The following NPAS3 variants were observed in gnomAD, a reference collection of about 807,000 sequenced individuals.
The protein encoded by NPAS3 is neuronal PAS domain-containing protein 3.
NPAS3 carries 14 observed loss-of-function variants against 73.1 expected under a neutral mutation model. The observed-to-expected ratio is 0.19, with a 90% CI of 0.13 to 0.30. The LOEUF is 0.30. Among genes scored for constraint, NPAS3 ranks in the 10% least tolerant of loss-of-function variants. The pLI, the probability that NPAS3 is intolerant of heterozygous loss-of-function variation, is 1.00. For synonymous variants in NPAS3, 620 were observed against 541.5 expected, an observed-to-expected ratio of 1.14 and a Z score of -2.01; for missense variants, 1,096 against 1,250.0, an observed-to-expected ratio of 0.88 and a Z score of 1.86.
chr14:33,196,404 C>T (rs540954090), intron 2 of NPAS3, among the ~76,000 whole-genome samples: 3 of 152,318 alleles, frequency 2.0e-5, no homozygotes, highest in African/African-American at 7.2e-5. Flanking sequence ...GTATCCTGAC[C>T]ACAGAGGGGA....
intron 5 of NPAS3, among the ~76,000 whole-genome samples, chr14:33,647,284 CTCTCTCTA>C (rs973901432): frequency 4.6e-5 from 7 of 151,240 alleles, no homozygotes; most frequent in African/African-American, 7.3e-5. Context: ...CTCTCTCTCT[CTCTCTCTA>C]TATATATATA....
chr14:33,109,702 G>A (rs1243030350), intron 2 of NPAS3, among the ~76,000 whole-genome samples: 1 of 151,076 alleles, frequency 6.6e-6, no homozygotes, highest in Admixed American at 6.6e-5. Context: ...ATTGAGCACA[G>A]ATTAAACTGG....
chr14:33,412,258 A>G (rs1022005018), intron 4 of NPAS3, among the ~76,000 whole-genome samples: 4 of 152,040 alleles, frequency 2.6e-5, no homozygotes, highest in Non-Finnish European at 5.9e-5. Flanking sequence ...AGCTGGGACT[A>G]CAGGTGTGAA....
chr14:33,324,747 A>G (rs531546294), intron 3 of NPAS3, among the ~76,000 whole-genome samples: 1 of 152,156 alleles, frequency 6.6e-6, no homozygotes, highest in Non-Finnish European at 1.5e-5. Flanking sequence ...TCCTTCTTTG[A>G]TGCTTCCCAG....
At chr14:32,969,328 G>C (rs1186468734) in intron 1 of NPAS3, among the ~76,000 whole-genome samples, 1 of 152,102 alleles carries the variant, frequency 6.6e-6, no homozygotes, top group Non-Finnish European at 1.5e-5. Context: ...ACCCTGGTGC[G>C]GTGTGGGTGG....
intron 5 of NPAS3, among the ~76,000 whole-genome samples, chr14:33,653,990 G>C (rs559769873): frequency 3.5e-4 from 53 of 152,242 alleles, no homozygotes; most frequent in African/African-American, 1.3e-3. Context: ...CCTTGAACTG[G>C]GATGTAGAGA....
rs890543962 is a variant in NPAS3 at position 32,952,663 on chromosome 14, C to T, written c.50+13297C>T. Among the ~76,000 whole-genome samples the T allele has an allele frequency of 2.0e-5, 3 of 151,902 alleles. No individual in the cohort carries two copies. The South Asian group carries it at 6.2e-4, about 32-fold the overall frequency. ...TAAATGTCATGAATTGGGTTAAATA[C>T]CTGTGTTGTACATATTTTCATTGCT... On this transcript the variant is annotated intron_variant, in intron 1 of 11. Coordinates refer to ENST00000356141, the Ensembl canonical transcript of NPAS3.
At chr14:33,333,873 T>C (rs1290756842) in intron 3 of NPAS3, among the ~76,000 whole-genome samples, 1 of 152,172 alleles carries the variant, frequency 6.6e-6, no homozygotes, top group African/African-American at 2.4e-5. Flanking sequence ...AAGTCATAAG[T>C]AAAGGAGTTT....
intron 5 of NPAS3, among the ~76,000 whole-genome samples, chr14:33,591,156 C>G (rs2057050256): frequency 6.6e-6 from 1 of 152,144 alleles, no homozygotes; most frequent in Admixed American, 6.5e-5. Flanking sequence ...CTTCACTTCT[C>G]CCTTTGTTTT....
intron 5 of NPAS3, among the ~76,000 whole-genome samples, chr14:33,566,445 C>A (rs559955422): frequency 3.3e-5 from 5 of 152,214 alleles, no homozygotes; most frequent in Admixed American, 1.3e-4. Flanking sequence ...GTTCTTCCCC[C>A]CTTTTCCTTC....
intron 3 of NPAS3, among the ~76,000 whole-genome samples, chr14:33,219,336 GTC>G (rs1726115205): frequency 6.6e-6 from 1 of 152,142 alleles, no homozygotes; most frequent in Admixed American, 6.5e-5. Context: ...AATTTTAAGA[GTC>G]TGTCGTCTGC....
chr14:33,369,630 G>T (rs2046000533), intron 4 of NPAS3, among the ~76,000 whole-genome samples: 1 of 152,090 alleles, frequency 6.6e-6, no homozygotes, highest in Admixed American at 6.5e-5. Context: ...AAGCATGATT[G>T]CACTATGTAA....
intron 5 of NPAS3, among the ~76,000 whole-genome samples, chr14:33,568,998 T>C (rs1266234495): frequency 6.6e-6 from 1 of 152,262 alleles, no homozygotes; most frequent in African/African-American, 2.4e-5. Flanking sequence ...TTTGTGTGAA[T>C]ATGTGTTTAT....
intron 2 of NPAS3, among the ~76,000 whole-genome samples, chr14:33,131,387 TCAGTC>T (rs2043628206): frequency 6.6e-6 from 1 of 151,818 alleles, no homozygotes; most frequent in Non-Finnish European, 1.5e-5. Flanking sequence ...TCTCTCAAGT[TCAGTC>T]CAATTGAGTT....
intron 1 of NPAS3, among the ~76,000 whole-genome samples, chr14:32,948,568 A>G: frequency 6.6e-6 from 1 of 152,054 alleles, no homozygotes; most frequent in East Asian, 1.9e-4. Flanking sequence ...TCAGTTTACG[A>G]GCAATGGTTA....
intron 1 of NPAS3, among the ~76,000 whole-genome samples, chr14:32,959,007 G>A (rs1453762552): frequency 1.3e-5 from 2 of 152,042 alleles, no homozygotes; most frequent in Non-Finnish European, 2.9e-5. Flanking sequence ...TAATAATAAC[G>A]ATAGCTGATG....
intron 7 of NPAS3, among the ~76,000 whole-genome samples, chr14:33,740,261 T>C (rs1595532346): frequency 6.6e-6 from 1 of 152,170 alleles, no homozygotes; most frequent in African/African-American, 2.4e-5. Context: ...AATGGAGGCA[T>C]AGAAATACAA....
At chr14:33,138,586 A>G (rs1165033889) in intron 2 of NPAS3, among the ~76,000 whole-genome samples, 11 of 152,160 alleles carry the variant, frequency 7.2e-5, no homozygotes, top group Admixed American at 7.2e-4. Flanking sequence ...TGGTCCAGAG[A>G]GATACAAAAC....
At chr14:33,544,810 A>ATATAATATATATATATATATATG (rs1237081574) in intron 4 of NPAS3, among the ~76,000 whole-genome samples, 3 of 92,106 alleles carry the variant, frequency 3.3e-5, no homozygotes, top group African/African-American at 1.2e-4. Flanking sequence ...ATATATATAT[A>ATATAATATATATATATATATATG]TGTATATATA....
Sources: gnomAD v4.1 joint callset for allele counts (sites outside exome capture counted in the v4.1 genomes callset) on GRCh38, gnomAD v4.1.1 for gene constraint, MANE v1.5 for transcripts, NCBI Gene and HGNC (gene_info 2026-07-23, HGNC 2026-07-21) for gene names.